Variants in TGM4 observed in about 807,000 individuals in gnomAD.
TGM4 encodes the protein protein-glutamine gamma-glutamyltransferase 4.
TGM4 carries 61 observed loss-of-function variants against 76.3 expected under a neutral mutation model. The ratio of observed to expected loss-of-function variants is 0.80; its 90% CI spans 0.65 to 0.99. TGM4 has a LOEUF of 0.99. TGM4 is among the 50% of genes least tolerant of loss of function. The probability of loss-of-function intolerance (pLI) is 0.00; values close to 1 mark genes in which losing one functional copy is unlikely to be tolerated. For missense variants in TGM4, 794 were observed against 843.2 expected, an observed-to-expected ratio of 0.94 and a Z score of 0.72; for synonymous variants, 337 against 329.8, an observed-to-expected ratio of 1.02 and a Z score of -0.24.
At chr3:44,887,956 TC>T (rs1190228349) in intron 3 of TGM4, 161 bp downstream of exon 3, 1 of 655,600 alleles carries the variant, frequency 1.5e-6, no homozygotes, top group African/African-American at 1.8e-5. Context: ...AATGTCTGTT[TC>T]CCCACTCAGC....
At chr3:44,890,901 G>T (rs1255342957) in intron 4 of TGM4, among the ~76,000 whole-genome samples, 169 bp downstream of exon 4, 1 of 152,160 alleles carries the variant, frequency 6.6e-6, no homozygotes, top group Non-Finnish European at 1.5e-5. Context: ...TTTTCTTTGT[G>T]ACCAGGCCCC....
At position 44,913,478 on chromosome 3, in the gene TGM4, G is replaced by A. The variant is rs1700034724; in HGVS notation, c.1914-106G>A. The A allele has an allele frequency of 2.8e-6, 4 of 1,425,440 alleles. No individual in the cohort carries two copies. In the East Asian group the frequency reaches 9.5e-5, roughly 34 times the overall value. The allele number at this position is 1,425,440 out of a possible 1,614,324, so 88.3% of individuals were successfully genotyped here. A position where few individuals can be genotyped will look rare whatever the true frequency, so the allele number is the denominator to read the frequency against. On this transcript the variant is annotated intron_variant, in intron 13 of 13. Coordinates refer to ENST00000296125, the MANE Select transcript of TGM4 (RefSeq NM_003241.4). ...TGGAATGGCCAGGACTTTTCAAAGA[G>A]GCTGAGCTAAGGCTCAGTTTCCTGG... is the stretch of plus-strand genomic sequence containing the variant.
intron 8 of TGM4, among the ~76,000 whole-genome samples, chr3:44,903,099 G>A (rs1699876194): frequency 6.6e-6 from 1 of 152,236 alleles, no homozygotes; most frequent in African/African-American, 2.4e-5. Flanking sequence ...GGTTTGAACT[G>A]TGCAGGTCCA....
rs200325538 is a variant in TGM4, at chr3:44,910,152, C to A, written c.1390C>A (p.His464Asn). The change falls in exon 11 of 14, where the codon CAC becomes AAC. Residue 464 changes from histidine (H) to asparagine (N), a missense_variant. Transcript: ENST00000296125. ...CCTCCTTCTCAGTTCTGAGAGGGAG[C>A]ACAGACGACCTGTAAAAGAGAACTT... ...AFLLLSSERE[H>N]RRPVKENFLH... 2 of 1,614,198 alleles carry A rather than the reference C, an allele frequency of 1.2e-6. No individual in the cohort carries two copies. Among genetic ancestry groups the A allele is most frequent in the African/African-American group, 1.3e-5 (1 of 75,042 alleles).
Position 44,901,598 on chromosome 3 carries a change from C to T in TGM4, c.732C>T (p.Tyr244=). ...ACTACGAAGGTGGCACAGCCCCATA[C>T]AAGTGGACAGGCAGTGCCCCGATCC... is the stretch of plus-strand genomic sequence containing the variant. The part of the protein sequence containing the change: ...TGDYEGGTAP[Y]KWTGSAPILQ... The change falls in exon 7 of 14, where the codon TAC becomes TAT. Residue 244 remains tyrosine, a synonymous_variant. Transcript: ENST00000296125. 6.2e-7 allele frequency: 1 copy of T among 1,614,124 alleles called. No homozygotes were observed. Among genetic ancestry groups the T allele is most frequent in the South Asian group, 1.1e-5 (1 of 91,056 alleles).
chr3:44,912,633 T>C (rs900087006), intron 13 of TGM4, among the ~76,000 whole-genome samples: 10 of 152,212 alleles, frequency 6.6e-5, no homozygotes, highest in African/African-American at 2.4e-4. Flanking sequence ...ACAGCTGGGA[T>C]TTAGATTGAT....
At chr3:44,896,660 T>TGACACAGG in intron 5 of TGM4, 49 bp from the exon 6 acceptor site, 1 of 1,585,054 alleles carries the variant, frequency 6.3e-7, no homozygotes, top group Non-Finnish European at 8.7e-7. Context: ...GTTAAGTTTC[T>TGACACAGG]GACACAGGGC....
intron 6 of TGM4, among the ~76,000 whole-genome samples, chr3:44,898,635 G>A (rs1313862221): frequency 6.6e-6 from 1 of 152,238 alleles, no homozygotes; most frequent in African/African-American, 2.4e-5. Context: ...CTCCAGGTGA[G>A]TCTGTGAGCT....
At chr3:44,878,693 G>C (rs1298608105) in intron 1 of TGM4, among the ~76,000 whole-genome samples, 6 of 152,006 alleles carry the variant, frequency 3.9e-5, no homozygotes, top group African/African-American at 1.4e-4. Context: ...TGTTGGCCAG[G>C]CTGGTCATGA....
At chr3:44,910,396 T>C (rs2125760701) in intron 11 of TGM4, 28 bp downstream of exon 11, 1 of 1,604,236 alleles carries the variant, frequency 6.2e-7, no homozygotes, top group Non-Finnish European at 8.5e-7. Flanking sequence ...AGGAGAGGCC[T>C]CAAGTGGGCT....
Position 44,903,970 on chromosome 3 carries a change from C to A in TGM4, c.1058C>A (p.Pro353Gln). The A allele has an allele frequency of 6.2e-7, 1 of 1,613,980 alleles. No individual in the cohort carries two copies. Among genetic ancestry groups the A allele is most frequent in the South Asian group, 1.1e-5 (1 of 91,082 alleles). ...YDGWQAVDAT[P>Q]QERSQGVFCC... ...GGCTGGCAGGCTGTGGACGCAACGCCGCAGGAGCGAAGCCAGGGTGAGTGG... is the reference window on the plus strand; with the variant it reads ...GGCTGGCAGGCTGTGGACGCAACGCAGCAGGAGCGAAGCCAGGGTGAGTGG... Residue 353 changes from proline (P) to glutamine (Q), a missense_variant, in exon 9 of 14, where the codon CCG (proline) becomes CAG (glutamine). Transcript: ENST00000296125.
intron 9 of TGM4, among the ~76,000 whole-genome samples, chr3:44,904,495 C>A (rs1283121279): frequency 1.3e-5 from 2 of 152,152 alleles, no homozygotes; most frequent in East Asian, 3.9e-4. Context: ...GCTGGAAGGA[C>A]CTTGCCGGGG....
At chr3:44,887,436 G>A (rs1341004980) in intron 2 of TGM4, among the ~76,000 whole-genome samples, 1 of 152,188 alleles carries the variant, frequency 6.6e-6, no homozygotes, top group Non-Finnish European at 1.5e-5. Context: ...GGGAGACCTG[G>A]ATCTGATGGG....
At position 44,901,822 on chromosome 3, in the gene TGM4, AGT is replaced by A. The variant is rs987732881; in HGVS notation, c.866_867del (p.Val289AspfsTer21). ...VLRALGIPAR[S>X]VTGFDSAHDT... ...GAGAGCGTTGGGCATCCCAGCACGC[AGT>A]GTGACAGGCTTCGATTCAGCTCACG... On this transcript the variant is annotated frameshift_variant, in exon 8 of 14. Coordinates refer to ENST00000296125, the MANE Select transcript of TGM4 (RefSeq NM_003241.4). LOFTEE classifies it high-confidence loss of function. 1.4e-5 allele frequency: 22 copies of A among 1,613,950 alleles called. No homozygotes were observed. Among genetic ancestry groups the A allele is most frequent in the Non-Finnish European group, 1.7e-5 (20 of 1,179,986 alleles).
chr3:44,906,089 A>G (rs1227467437), intron 9 of TGM4, among the ~76,000 whole-genome samples: 1 of 152,210 alleles, frequency 6.6e-6, no homozygotes, highest in Admixed American at 6.5e-5. Context: ...AGGTTCAGTC[A>G]ACAAGTTAGG....
chr3:44,912,573 C>T (rs78690631), intron 13 of TGM4, among the ~76,000 whole-genome samples: 363 of 152,262 alleles, frequency 2.4e-3, no homozygotes, highest in African/African-American at 6.9e-3. Flanking sequence ...CACCCCACCC[C>T]CATTTTTGTC....
intron 1 of TGM4, among the ~76,000 whole-genome samples, chr3:44,879,473 A>ATTTTT (rs1184527794): frequency 1.9e-4 from 24 of 123,718 alleles, no homozygotes; most frequent in African/African-American, 3.7e-4. Flanking sequence ...AGCCTGGCTA[A>ATTTTT]TTTTTTTTTT....
chr3:44,885,674 G>A (rs1699596033), intron 2 of TGM4, among the ~76,000 whole-genome samples, 176 bp downstream of exon 2: 1 of 152,138 alleles, frequency 6.6e-6, no homozygotes, highest in Admixed American at 6.5e-5. Context: ...AGAATGGGAA[G>A]CTCAGTCAGG....
In TGM4 at chr3:44,901,606, C is replaced by T. The variant is rs140087073; in HGVS notation, c.740C>T (p.Thr247Ile). 97 of 1,614,132 alleles carry T rather than the reference C, an allele frequency of 6.0e-5. No individual in the cohort carries two copies. The African/African-American group carries it at 1.1e-3, about 18-fold the overall frequency. The part of the protein sequence containing the change: ...YEGGTAPYKW[T>I]GSAPILQQYY... The stretch of plus-strand genomic sequence containing the variant: ...GGTGGCACAGCCCCATACAAGTGGA[C>T]AGGCAGTGCCCCGATCCTGCAGCAG... The change falls in exon 7 of 14, where the codon ACA becomes ATA. Residue 247 changes from threonine (T) to isoleucine (I), a missense_variant. By Grantham distance (89) the Thr-to-Ile change is moderately conservative (BLOSUM62 -1). Transcript: ENST00000296125.
Sources: allele counts gnomAD v4.1 joint callset (sites outside exome capture counted in the v4.1 genomes callset), GRCh38; gene constraint gnomAD v4.1.1; transcripts MANE v1.5; gene names NCBI Gene and HGNC (gene_info 2026-07-23, HGNC 2026-07-21).